The following TTC21B variants were observed in gnomAD, a reference collection of about 807,000 sequenced individuals.
The protein encoded by TTC21B is tetratricopeptide repeat domain 21B.
A neutral mutation model predicts 175.1 loss-of-function variants in TTC21B; 127 were observed. The observed-to-expected ratio is 0.73, with a 90% CI of 0.63 to 0.84. TTC21B has a LOEUF of 0.84. Among genes scored for constraint, TTC21B ranks in the 40% least tolerant of loss-of-function variants. The probability of loss-of-function intolerance (pLI) is 0.00; values close to 1 mark genes in which losing one functional copy is unlikely to be tolerated. For missense variants in TTC21B, 1,561 were observed against 1,558.3 expected, an observed-to-expected ratio of 1.00 and a Z score of -0.03; for synonymous variants, 524 against 524.5, an observed-to-expected ratio of 1.00 and a Z score of 0.01.
chr2:165,919,372 A>C lies in TTC21B; in HGVS notation c.1578T>G (p.Ala526=). Residue 526 remains alanine (A), a synonymous_variant, in exon 13 of 29, where the codon GCT becomes GCG. Coordinates refer to ENST00000243344, the MANE Select transcript of TTC21B (RefSeq NM_024753.5). The part of the protein sequence containing the change: ...QHCLEHNPSY[A]DAHLLLAQVY... The stretch of plus-strand genomic sequence containing the variant: ...CCTGAGCTAGCAGCAGATGAGCATC[A>C]GCATAAGAGGGATTGTGTTCTAAGC... The C allele has an allele frequency of 6.2e-7, 1 of 1,614,070 alleles. No homozygotes were observed. The highest frequency in any genetic ancestry group is 8.5e-7 in the Non-Finnish European group (1 of 1,179,940).
chr2:165,922,872 G>C (rs1384763841), intron 12 of TTC21B, among the ~76,000 whole-genome samples: 1 of 152,120 alleles, frequency 6.6e-6, no homozygotes, highest in East Asian at 1.9e-4. Context: ...ATAAAATGTG[G>C]TCTATATATA....
Position 165,912,562 on chromosome 2 carries a change from C to T in TTC21B, c.2274G>A (p.Leu758=). The T allele has an allele frequency of 1.2e-6, 2 of 1,614,034 alleles. No homozygotes were observed. Among genetic ancestry groups the T allele is most frequent in the African/African-American group, 1.3e-5 (1 of 75,010 alleles). ...TAAGTGCTTTGCCCATTTTGCTTGC[C>T]AATGTTCCATCTTTCGGGTTCTGAT... ...ALNQNPKDGT[L]ASKMGKALIK... The change falls in exon 17 of 29, where the codon TTG becomes TTA. Residue 758 remains leucine (L), a synonymous_variant. Transcript: ENST00000243344.
At position 165,874,784 on chromosome 2, in the gene TTC21B, C is replaced by T; in HGVS notation, c.3922G>A (p.Asp1308Asn). 6.2e-7 allele frequency: 1 copy of T among 1,613,728 alleles called. No individual in the cohort carries two copies. The change falls in exon 29 of 29, where the codon GAT (aspartate) becomes AAT (asparagine). Residue 1308 changes from aspartate (D) to asparagine (N), a missense_variant. Transcript: ENST00000243344. ...GGTCTTAAAGACGCACGGGCCTTAT[C>T]AAGTATATCCTTTCTGATTTTTGGA... ...TYPKIRKDILDKARASLRP is the reference protein window; with the variant it reads ...TYPKIRKDILNKARASLRP
Position 165,929,544 on chromosome 2 carries a change from G to A in TTC21B, c.1185+106C>T. 5.5e-6 allele frequency: 5 copies of A among 903,272 alleles called. No individual in the cohort carries two copies. The South Asian group carries it at 7.1e-5, about 13-fold the overall frequency. The allele number at this position is 903,272 out of a possible 1,614,324, so 56.0% of individuals were successfully genotyped here. A position where few individuals can be genotyped will look rare whatever the true frequency, so the allele number is the denominator to read the frequency against. On this transcript the variant is annotated intron_variant, in intron 10 of 28. Coordinates refer to ENST00000243344, the MANE Select transcript of TTC21B (RefSeq NM_024753.5). Reference sequence around the variant, plus strand: ...TAAATGCAATTACATATTAAAATTAGTGTACACTAGTGCTTTACAGCCATT... The same window carrying A: ...TAAATGCAATTACATATTAAAATTAATGTACACTAGTGCTTTACAGCCATT...
At position 165,913,571 on chromosome 2, in the gene TTC21B, T is replaced by C; in HGVS notation, c.2211+3A>G. 1.2e-6 allele frequency: 2 copies of C among 1,606,270 alleles called. No homozygotes were observed. The highest frequency in any genetic ancestry group is 8.5e-7 in the Non-Finnish European group (1 of 1,173,306). On this transcript the variant is annotated splice_donor_region_variant and intron_variant, in intron 16 of 28. Transcript: ENST00000243344. ...TGCAGTTCAGTAACATCAGAAATTT[T>C]ACCTCTAGAATATTCATGTATGCAT...
intron 25 of TTC21B, among the ~76,000 whole-genome samples, chr2:165,884,965 C>T (rs1559038888): frequency 6.6e-6 from 1 of 152,106 alleles, no homozygotes; most frequent in Non-Finnish European, 1.5e-5. Flanking sequence ...TAGTGCATAG[C>T]GAGACCTCGC....
intron 6 of TTC21B, among the ~76,000 whole-genome samples, chr2:165,937,040 C>T (rs2105354483): frequency 6.6e-6 from 1 of 152,104 alleles, no homozygotes; most frequent in South Asian, 2.1e-4. Flanking sequence ...AATTTGGAAG[C>T]AATCAAGATG....
rs774327753 is a variant in TTC21B, at chr2:165,945,645, C to T, written c.308G>A (p.Arg103His). The T allele has an allele frequency of 2.5e-5, 40 of 1,613,578 alleles. No individual in the cohort carries two copies. Among genetic ancestry groups the T allele is most frequent in the East Asian group, 1.6e-4 (7 of 44,818 alleles). ...LESDARVKEQ[R>H]KGAGEKALYH... ...TAAGGCTTTCTCTCCAGCTCCTTTACGTTGTTCCTTCACTCTGGCATCTGA... is the reference window on the plus strand; with the variant it reads ...TAAGGCTTTCTCTCCAGCTCCTTTATGTTGTTCCTTCACTCTGGCATCTGA... Residue 103 changes from arginine to histidine, a missense_variant, in exon 4 of 29, where the codon CGT becomes CAT. By Grantham distance (29) the Arg-to-His change is conservative (BLOSUM62 0). Transcript: ENST00000243344.
chr2:165,899,206 T>C (rs1685470165), intron 21 of TTC21B, among the ~76,000 whole-genome samples: 1 of 152,234 alleles, frequency 6.6e-6, no homozygotes, highest in African/African-American at 2.4e-5. Flanking sequence ...TTTCTTATTA[T>C]GTGTTTAAAA....
chr2:165,915,121 A>G (rs534308719), intron 15 of TTC21B, 80 bp downstream of exon 15: 2 of 1,154,572 alleles, frequency 1.7e-6, no homozygotes, highest in East Asian at 4.7e-5. Flanking sequence ...GAAGCAGTTG[A>G]AAGAAAGTTA....
intron 4 of TTC21B, 138 bp from the exon 5 acceptor site, chr2:165,943,479 T>C: frequency 1.4e-6 from 1 of 738,488 alleles, no homozygotes; most frequent in Non-Finnish European, 2.2e-6. Flanking sequence ...TAAAATTCTG[T>C]TAGTGAAATC....
chr2:165,934,046 G>T (rs1319047739), intron 6 of TTC21B: 2 of 152,212 alleles, frequency 1.3e-5, no homozygotes, highest in Non-Finnish European at 2.9e-5. Context: ...CCTTGCCTGA[G>T]ATCAGCAGAC....
chr2:165,901,758 A>C lies in TTC21B; in HGVS notation c.2721T>G (p.Tyr907Ter). 6.2e-7 allele frequency: 1 copy of C among 1,614,176 alleles called. No individual in the cohort carries two copies. Among genetic ancestry groups the C allele is most frequent in the Non-Finnish European group, 8.5e-7 (1 of 1,180,010 alleles). ...QRDYEKAIKF[Y>*]REALVHCETD... is the part of the protein sequence containing the mutation. ...TTTCGCAGTGAACCAGAGCCTCTCTATAAAACTTAATTGCTTTTTCATAGT... is the reference window on the plus strand; with the variant it reads ...TTTCGCAGTGAACCAGAGCCTCTCTCTAAAACTTAATTGCTTTTTCATAGT... The change falls in exon 20 of 29, where the codon TAT becomes TAG. Residue 907 changes from tyrosine (Y) to a stop codon, truncating the protein, a stop_gained. Coordinates refer to ENST00000243344, the MANE Select transcript of TTC21B (RefSeq NM_024753.5). LOFTEE classifies it high-confidence loss of function.
At chr2:165,916,857 G>A (rs563357669) in intron 14 of TTC21B, among the ~76,000 whole-genome samples, 2 of 152,116 alleles carry the variant, frequency 1.3e-5, no homozygotes, top group African/African-American at 4.8e-5. Context: ...TTACCACCTG[G>A]TCAAGGGAAT....
chr2:165,903,067 T>C (rs1351035922), intron 19 of TTC21B, among the ~76,000 whole-genome samples: 1 of 152,092 alleles, frequency 6.6e-6, no homozygotes, highest in African/African-American at 2.4e-5. Flanking sequence ...GGATTGCAAG[T>C]GTAAGGAAGA....
chr2:165,896,575 T>A (rs1166334433), intron 22 of TTC21B, among the ~76,000 whole-genome samples: 1 of 152,094 alleles, frequency 6.6e-6, no homozygotes, highest in Non-Finnish European at 1.5e-5. Context: ...CAAGAAGTGG[T>A]GCTACTTGAT....
rs1253942984 is a variant in TTC21B, at chr2:165,915,453, A to G, written c.1900-14T>C. On this transcript the variant is annotated splice_polypyrimidine_tract_variant and intron_variant, in intron 14 of 28. Transcript: ENST00000243344. The stretch of plus-strand genomic sequence containing the variant: ...GGTTGCCTCATGCTGTAAAGATGAA[A>G]TTAAAATAATCATTCTTCCAAAATA... The G allele has an allele frequency of 6.3e-7, 1 of 1,586,408 alleles. No individual in the cohort carries two copies.
At chr2:165,879,029 A>T (rs1001400089) in intron 27 of TTC21B, among the ~76,000 whole-genome samples, 1 of 152,246 alleles carries the variant, frequency 6.6e-6, no homozygotes, top group East Asian at 1.9e-4. Flanking sequence ...AGTGAAATAC[A>T]TTGTTTATTT....
intron 22 of TTC21B, among the ~76,000 whole-genome samples, chr2:165,895,222 T>C (rs1156934977): frequency 2.6e-5 from 4 of 152,184 alleles, no homozygotes; most frequent in Admixed American, 1.3e-4. Flanking sequence ...GTATGTCATT[T>C]GGTGTTGCTG....
Sources: allele counts gnomAD v4.1 joint callset (sites outside exome capture counted in the v4.1 genomes callset), GRCh38; gene constraint gnomAD v4.1.1; transcripts MANE v1.5; gene names NCBI Gene and HGNC (gene_info 2026-07-23, HGNC 2026-07-21).